SPMIP4: variants seen among roughly 807,000 people sequenced by gnomAD.
SPMIP4 encodes the protein sperm microtubule inner protein 4.
chr7:25,150,876 A>G, the SPMIP4 span, among the ~76,000 whole-genome samples: 2 of 152,238 alleles, frequency 1.3e-5, no homozygotes, highest in Admixed American at 6.5e-5. Flanking sequence ...CAATTTCTCA[A>G]TAAATGGTGG....
chr7:25,174,773 G>C, the SPMIP4 span, among the ~76,000 whole-genome samples: 1 of 152,104 alleles, frequency 6.6e-6, no homozygotes, highest in Non-Finnish European at 1.5e-5. This position sits in a 1 kb window ranked among gnomAD's most constrained non-coding sequence, Gnocchi z 4.5. Flanking sequence ...GGAGAAGTCA[G>C]CTGAATGAAA....
chr7:25,134,839 C>T, the SPMIP4 span: 1 of 985,362 alleles, frequency 1.0e-6, no homozygotes. Flanking sequence ...ATAGAGAACC[C>T]AGTGACCAAG....
the SPMIP4 span, among the ~76,000 whole-genome samples, chr7:25,148,047 C>G: frequency 6.6e-6 from 1 of 152,184 alleles, no homozygotes; most frequent in African/African-American, 2.4e-5. Flanking sequence ...ACCTGCTTAT[C>G]AGGTTAGTAG....
At chr7:25,168,551 C>G in the SPMIP4 span, 1 of 1,087,988 alleles carries the variant, frequency 9.2e-7, no homozygotes, top group South Asian at 1.7e-5. Context: ...ATTCCTACCA[C>G]TTCATAAGTA....
chr7:25,161,356 C>T, the SPMIP4 span: 6 of 578,996 alleles, frequency 1.0e-5, no homozygotes, highest in African/African-American at 2.0e-5. Flanking sequence ...AACATATCCA[C>T]ATATATGTAG....
chr7:25,155,784 CAT>C, the SPMIP4 span, among the ~76,000 whole-genome samples: 1 of 151,764 alleles, frequency 6.6e-6, no homozygotes, highest in African/African-American at 2.4e-5. Flanking sequence ...TTAAAGAGAC[CAT>C]AGGGATATAA....
chr7:25,126,744 T>A, the SPMIP4 span, among the ~76,000 whole-genome samples: 1 of 152,252 alleles, frequency 6.6e-6, no homozygotes, highest in South Asian at 2.1e-4. Context: ...ATTATAATAT[T>A]GTGTGTTTTT....
the SPMIP4 span, among the ~76,000 whole-genome samples, chr7:25,145,142 T>C: frequency 6.6e-6 from 1 of 152,094 alleles, no homozygotes; most frequent in Non-Finnish European, 1.5e-5. Flanking sequence ...TTTGTACTTT[T>C]AGTAGAGACC....
chr7:25,168,364 C>A, the SPMIP4 span: 4 of 1,613,470 alleles, frequency 2.5e-6, no homozygotes, highest in Non-Finnish European at 3.4e-6. Context: ...ATACTTTGGC[C>A]TGTGGTCCTC....
the SPMIP4 span, chr7:25,151,742 C>A: frequency 2.0e-5 from 18 of 903,238 alleles, no homozygotes; most frequent in South Asian, 4.4e-5. Flanking sequence ...TTAATAGGTA[C>A]AATAAATAGA....
At chr7:25,152,748 C>CTTTTT in the SPMIP4 span, among the ~76,000 whole-genome samples, 1 of 120,392 alleles carries the variant, frequency 8.3e-6, no homozygotes, top group Non-Finnish European at 1.7e-5. Context: ...CGTTGTCTCT[C>CTTTTT]TTTTTTTTTT....
At chr7:25,154,728 A>C in the SPMIP4 span, among the ~76,000 whole-genome samples, 5 of 152,178 alleles carry the variant, frequency 3.3e-5, no homozygotes, top group African/African-American at 1.2e-4. Flanking sequence ...TAGAAAATAG[A>C]AGTGGAATAA....
At chr7:25,179,515 T>G in the SPMIP4 span, 1 of 430,696 alleles carries the variant, frequency 2.3e-6, no homozygotes, top group East Asian at 3.6e-5. Context: ...AAATTTCAAC[T>G]GAAACAAATC....
chr7:25,135,435 T>C, the SPMIP4 span: 1 of 985,486 alleles, frequency 1.0e-6, no homozygotes, highest in Non-Finnish European at 1.2e-6. Context: ...AGAGTCCACA[T>C]ACTTTTAAGA....
At chr7:25,175,046 T>C in the SPMIP4 span, among the ~76,000 whole-genome samples, 1 of 152,182 alleles carries the variant, frequency 6.6e-6, no homozygotes, top group Non-Finnish European at 1.5e-5. Context: ...TCAGTGCTGC[T>C]AGCCCAGTAG....
At chr7:25,134,768 A>C in the SPMIP4 span, 2 of 985,224 alleles carry the variant, frequency 2.0e-6, no homozygotes, top group African/African-American at 1.7e-5. Context: ...TGTGATAAAA[A>C]GTGTGTACAC....
At chr7:25,174,515 G>A in the SPMIP4 span, among the ~76,000 whole-genome samples, 2 of 152,154 alleles carry the variant, frequency 1.3e-5, no homozygotes, top group Admixed American at 6.5e-5. The surrounding 1 kb of genome is among the most constrained non-coding windows in gnomAD (Gnocchi z 4.5). Context: ...TAACTACTAG[G>A]AGGCGTGACT....
the SPMIP4 span, among the ~76,000 whole-genome samples, chr7:25,134,511 T>G: frequency 6.6e-6 from 1 of 152,188 alleles, no homozygotes; most frequent in African/African-American, 2.4e-5. Context: ...TTCCTCTTAG[T>G]TGAGAAGCAT....
the SPMIP4 span, among the ~76,000 whole-genome samples, chr7:25,147,595 G>A: frequency 6.6e-6 from 1 of 152,142 alleles, no homozygotes; most frequent in South Asian, 2.1e-4. Context: ...GAAAGGAGGA[G>A]GGAAAAACGA....
Sources: gnomAD v4.1 joint callset for allele counts (sites outside exome capture counted in the v4.1 genomes callset) on GRCh38, gnomAD v4.1.1 for gene constraint, Gnocchi (gnomAD v3.1) non-coding constraint, MANE v1.5 for transcripts, NCBI Gene and HGNC (gene_info 2026-07-23, HGNC 2026-07-21) for gene names.